Variants in RAPGEF2 observed in about 807,000 individuals in gnomAD.
RAPGEF2 encodes PDZ domain containing guanine nucleotide exchange factor (GEF) 1.
RAPGEF2 carries 54 observed loss-of-function variants against 186.7 expected under a neutral mutation model. The ratio of observed to expected loss-of-function variants is 0.29; its 90% CI spans 0.23 to 0.36. The LOEUF (loss-of-function observed/expected upper bound fraction) is 0.36, where lower values mean the gene tolerates loss of function less well. Ranked by LOEUF, RAPGEF2 falls within the 10% of genes least tolerant of loss-of-function variation. The pLI is 1.00. For synonymous variants in RAPGEF2, 712 were observed against 705.9 expected, an observed-to-expected ratio of 1.01 and a Z score of -0.14; for missense variants, 1,532 against 2,045.0, an observed-to-expected ratio of 0.75 and a Z score of 4.84.
At chr4:159,292,045 G>A (rs572741941) in intron 7 of RAPGEF2, among the ~76,000 whole-genome samples, 3 of 151,948 alleles carry the variant, frequency 2.0e-5, no homozygotes, top group Non-Finnish European at 4.4e-5. Context: ...ATTGGTTCAC[G>A]TTAAAATGAG....
chr4:159,107,567 T>C (rs1274551834), intron 1 of RAPGEF2, among the ~76,000 whole-genome samples: 1 of 152,198 alleles, frequency 6.6e-6, no homozygotes, highest in Non-Finnish European at 1.5e-5. Flanking sequence ...AAAAATGTTA[T>C]GTGTAAAATA....
chr4:159,217,065 GT>G (rs993504973), intron 4 of RAPGEF2, among the ~76,000 whole-genome samples: 4 of 151,890 alleles, frequency 2.6e-5, no homozygotes, highest in South Asian at 2.1e-4. Context: ...AGCTTGCAAG[GT>G]TTTTTTTAGT....
At chr4:159,321,125 C>A (rs1039872098) in intron 9 of RAPGEF2, among the ~76,000 whole-genome samples, 1 of 151,910 alleles carries the variant, frequency 6.6e-6, no homozygotes, top group Non-Finnish European at 1.5e-5. Flanking sequence ...GATGTACATA[C>A]ACCCTGTGCT....
rs1323520341 is a variant in RAPGEF2, at chr4:159,331,749, C to T, written c.1695C>T (p.Gly565=). ...CTTTGCCTTTTATCTTACTTGGAGG[C>T]TCTGAGAAGGGATTTGGAATCTTTG... ...EAPLPFILLG[G]SEKGFGIFVD... is the part of the protein sequence containing the mutation. The change falls in exon 15 of 30, where the codon GGC becomes GGT. Residue 565 remains glycine (G), a synonymous_variant. Transcript: ENST00000691494. 1 of 1,613,972 alleles carries T rather than the reference C, an allele frequency of 6.2e-7. No individual in the cohort carries two copies. The highest frequency in any genetic ancestry group is 1.7e-5 in the Admixed American group (1 of 60,004).
chr4:159,227,068 C>T (rs1418179261), intron 4 of RAPGEF2, among the ~76,000 whole-genome samples: 2 of 152,164 alleles, frequency 1.3e-5, no homozygotes, highest in African/African-American at 4.8e-5. Flanking sequence ...GAAATACTTA[C>T]CATTTCAACT....
At chr4:159,230,172 C>A (rs73859109) in intron 4 of RAPGEF2, among the ~76,000 whole-genome samples, 1 of 152,150 alleles carries the variant, frequency 6.6e-6, no homozygotes, top group African/African-American at 2.4e-5. Flanking sequence ...TACCATACTT[C>A]TCCCTTCCAC....
chr4:159,286,975 A>G (rs1386404806), intron 7 of RAPGEF2, among the ~76,000 whole-genome samples: 1 of 152,182 alleles, frequency 6.6e-6, no homozygotes, highest in African/African-American at 2.4e-5. Flanking sequence ...TGTAATGTCT[A>G]GGATGTGTTT....
At chr4:159,163,303 G>C (rs563787059) in intron 1 of RAPGEF2, among the ~76,000 whole-genome samples, 1 of 152,244 alleles carries the variant, frequency 6.6e-6, no homozygotes, top group African/African-American at 2.4e-5. Flanking sequence ...ATAATATCCT[G>C]TTAGTGCCTC....
At chr4:159,163,520 G>A (rs73860457) in intron 1 of RAPGEF2, among the ~76,000 whole-genome samples, 9,392 of 152,152 alleles carry the variant, frequency 0.062, 984 homozygotes, top group African/African-American at 0.21. Context: ...TATATTTCTC[G>A]TATCATGTGT....
At chr4:159,287,857 A>G (rs1760710920) in intron 7 of RAPGEF2, among the ~76,000 whole-genome samples, 1 of 152,158 alleles carries the variant, frequency 6.6e-6, no homozygotes, top group Non-Finnish European at 1.5e-5. Context: ...ATCGGTTCCT[A>G]CAGCTGTGAA....
In RAPGEF2 at chr4:159,343,195, A is replaced by G. The variant is rs1729793901; in HGVS notation, c.3130+5A>G. On this transcript the variant is annotated splice_donor_5th_base_variant and intron_variant, in intron 21 of 29. Coordinates refer to ENST00000691494, the MANE Select transcript of RAPGEF2 (RefSeq NM_001394067.2). ...ATCTCACCTTCCTTCACGAAGGTAA[A>G]CATAAGGCAGAGGGTTTCCATCTTT... The G allele has an allele frequency of 3.1e-6, 5 of 1,614,042 alleles. No individual in the cohort carries two copies. The highest frequency in any genetic ancestry group is 4.2e-6 in the Non-Finnish European group (5 of 1,179,868).
intron 7 of RAPGEF2, among the ~76,000 whole-genome samples, chr4:159,296,890 A>AAAC (rs1336096158): frequency 1.3e-5 from 2 of 152,232 alleles, no homozygotes; most frequent in Non-Finnish European, 2.9e-5. Flanking sequence ...TTCAATGGAA[A>AAAC]AACCCTCCTA....
rs569998855 is a variant in RAPGEF2, at chr4:159,324,202, A to AT, written c.1149+590dup. On this transcript the variant is annotated intron_variant, in intron 11 of 29. Coordinates refer to ENST00000691494, the MANE Select transcript of RAPGEF2 (RefSeq NM_001394067.2). Reference sequence around the variant, plus strand: ...GAGCCACTGCGCCTGGCCTTTTTGTATTTTTAGTAGAGACGGGGTCTTGCC... The same window carrying AT: ...GAGCCACTGCGCCTGGCCTTTTTGTATTTTTTAGTAGAGACGGGGTCTTGCC... Among the ~76,000 whole-genome samples the AT allele has an allele frequency of 4.7e-3, 709 of 151,038 alleles. 10 individuals are homozygous for AT. Among genetic ancestry groups the AT allele is most frequent in the African/African-American group, 0.016 (675 of 41,076 alleles).
intron 1 of RAPGEF2, among the ~76,000 whole-genome samples, chr4:159,104,515 A>AGAGAGAGAGAGG (rs1230780161): frequency 2.3e-5 from 3 of 130,320 alleles, no homozygotes; most frequent in African/African-American, 1.0e-4. Flanking sequence ...AGAGAGAGAG[A>AGAGAGAGAGAGG]GAGAGAGAGA....
At chr4:159,275,404 T>C (rs79235363) in intron 7 of RAPGEF2, among the ~76,000 whole-genome samples, 21 of 152,298 alleles carry the variant, frequency 1.4e-4, no homozygotes, top group East Asian at 1.2e-3. Flanking sequence ...TAATGAACTC[T>C]AGAGAAATAC....
intron 1 of RAPGEF2, among the ~76,000 whole-genome samples, chr4:159,152,144 A>G (rs370465736): frequency 1.4e-4 from 22 of 152,290 alleles, no homozygotes; most frequent in African/African-American, 4.3e-4. Context: ...CAACATGGCA[A>G]AACCTCGTCT....
At chr4:159,257,094 T>C (rs1756263924) in intron 7 of RAPGEF2, among the ~76,000 whole-genome samples, 1 of 146,116 alleles carries the variant, frequency 6.8e-6, no homozygotes, top group Admixed American at 6.8e-5. Context: ...CTTTCGGTGT[T>C]TTTGTTTTGT....
At chr4:159,356,302 A>C (rs1731999911) in intron 29 of RAPGEF2, 144 bp downstream of exon 29, 3 of 887,090 alleles carry the variant, frequency 3.4e-6, no homozygotes, top group Middle Eastern at 3.2e-4. Flanking sequence ...CAGAGTTCCA[A>C]ATTTAGGGTT....
chr4:159,155,863 T>A (rs1183862029), intron 1 of RAPGEF2, among the ~76,000 whole-genome samples: 1 of 152,146 alleles, frequency 6.6e-6, no homozygotes, highest in Non-Finnish European at 1.5e-5. Context: ...CAAATTTTGA[T>A]ATGTTTTAGT....
Sources: gnomAD v4.1 joint callset for allele counts (sites outside exome capture counted in the v4.1 genomes callset) on GRCh38, gnomAD v4.1.1 for gene constraint, MANE v1.5 for transcripts, NCBI Gene and HGNC (gene_info 2026-07-23, HGNC 2026-07-21) for gene names.